Variants in NRXN1 observed in about 807,000 individuals in gnomAD.
NRXN1 encodes neurexin 1, also known as neurexin-1.
NRXN1 carries 39 observed loss-of-function variants against 150.9 expected under a neutral mutation model. That is an observed-to-expected ratio of 0.26 (90% CI 0.20 to 0.34). NRXN1 has a LOEUF of 0.34. Among genes scored for constraint, NRXN1 ranks in the 10% least tolerant of loss-of-function variants. The pLI is 1.00. For synonymous variants in NRXN1, 924 were observed against 757.0 expected (o/e 1.22, Z -3.62); for missense variants, 1,815 against 1,949.9 (o/e 0.93, Z 1.30).
chr2:50,461,447 C>T (rs1015620162), intron 17 of NRXN1, among the ~76,000 whole-genome samples: 25 of 152,084 alleles, frequency 1.6e-4, no homozygotes, highest in Middle Eastern at 6.8e-3. Flanking sequence ...ATTTTGCATA[C>T]GGTCATAGCC....
chr2:50,555,833 T>C (rs766098704), intron 8 of NRXN1, among the ~76,000 whole-genome samples: 38 of 152,186 alleles, frequency 2.5e-4, no homozygotes, highest in Non-Finnish European at 4.3e-4. Context: ...CAGTTCATAA[T>C]TGACAAGTTG....
intron 2 of NRXN1, among the ~76,000 whole-genome samples, chr2:50,989,347 A>T (rs1047810365): frequency 1.3e-5 from 2 of 152,006 alleles, no homozygotes; most frequent in African/African-American, 4.8e-5. Flanking sequence ...ATTTACATAC[A>T]GCAAAAAATT....
chr2:50,724,015 A>G (rs1697008741), intron 5 of NRXN1, among the ~76,000 whole-genome samples: 1 of 152,232 alleles, frequency 6.6e-6, no homozygotes. Flanking sequence ...AGATGAATGG[A>G]GCATGCACAA....
chr2:50,023,682 G>C (rs996140685), intron 21 of NRXN1: 1 of 152,172 alleles, frequency 6.6e-6, no homozygotes, highest in South Asian at 2.1e-4. Flanking sequence ...TCACTTCGGG[G>C]CCGAATATGT....
chr2:50,054,038 A>C (rs1434409623), intron 20 of NRXN1, among the ~76,000 whole-genome samples: 2 of 152,204 alleles, frequency 1.3e-5, no homozygotes, highest in African/African-American at 4.8e-5. Context: ...TTCATAATTC[A>C]CATAATGTCC....
At chr2:50,787,713 A>T (rs79709718) in intron 5 of NRXN1, among the ~76,000 whole-genome samples, 30 of 72,920 alleles carry the variant, frequency 4.1e-4, no homozygotes, top group South Asian at 3.4e-3. Flanking sequence ...AACATGTATT[A>T]AAAAAAAAAA....
intron 18 of NRXN1, among the ~76,000 whole-genome samples, chr2:50,189,973 C>G (rs2061347010): frequency 6.6e-6 from 1 of 152,072 alleles, no homozygotes; most frequent in Non-Finnish European, 1.5e-5. Context: ...ATACAATCAT[C>G]TTGAATGAAG....
chr2:49,948,907 G>A (rs967778105), intron 21 of NRXN1, among the ~76,000 whole-genome samples: 9 of 151,876 alleles, frequency 5.9e-5, no homozygotes, highest in Non-Finnish European at 1.0e-4. Flanking sequence ...CTCTAACTGT[G>A]CATTTAACCA....
intron 5 of NRXN1, among the ~76,000 whole-genome samples, chr2:50,665,055 T>A (rs914512974): frequency 2.0e-5 from 3 of 151,974 alleles, no homozygotes; most frequent in Admixed American, 6.6e-5. Flanking sequence ...CATAATATGG[T>A]TGTTTTGCTA....
intron 5 of NRXN1, among the ~76,000 whole-genome samples, chr2:50,691,020 A>AT: frequency 6.6e-6 from 1 of 152,240 alleles, no homozygotes; most frequent in African/African-American, 2.4e-5. Flanking sequence ...TTGTAGTGAC[A>AT]TTTTTTTCTA....
chr2:50,148,880 C>A (rs537608331), intron 18 of NRXN1, among the ~76,000 whole-genome samples: 1 of 151,728 alleles, frequency 6.6e-6, no homozygotes, highest in East Asian at 1.9e-4. Flanking sequence ...GTACACTGAC[C>A]CAGAGAAAGA....
chr2:50,235,169 T>C (rs1279384692), intron 18 of NRXN1, among the ~76,000 whole-genome samples: 1 of 152,112 alleles, frequency 6.6e-6, no homozygotes, highest in Non-Finnish European at 1.5e-5. Context: ...ATTTATTTTT[T>C]GAAGTAGCAA....
At chr2:49,969,182 T>C (rs1307671555) in intron 21 of NRXN1, among the ~76,000 whole-genome samples, 2 of 152,230 alleles carry the variant, frequency 1.3e-5, no homozygotes, top group South Asian at 2.1e-4. Context: ...TGTTTAACAA[T>C]GTTTTACATA....
chr2:50,682,584 G>A (rs992475201), intron 5 of NRXN1, among the ~76,000 whole-genome samples: 10 of 152,124 alleles, frequency 6.6e-5, no homozygotes, highest in African/African-American at 2.4e-4. Flanking sequence ...TTATAGCTTG[G>A]GGTCAGTTCA....
intron 17 of NRXN1, among the ~76,000 whole-genome samples, chr2:50,252,337 C>T (rs1559175487): frequency 6.9e-6 from 1 of 144,906 alleles, no homozygotes; most frequent in Non-Finnish European, 1.5e-5. Flanking sequence ...TGGCTCACTG[C>T]AACCTCTGTC....
intron 2 of NRXN1, 119 bp from the exon 3 acceptor site, chr2:50,926,074 C>T: frequency 1.3e-6 from 1 of 759,212 alleles, no homozygotes; most frequent in Non-Finnish European, 2.3e-6. Context: ...CATGCAAGTG[C>T]TCCATCACTA....
At chr2:50,486,631 G>T (rs1252292500) in intron 15 of NRXN1, among the ~76,000 whole-genome samples, 1 of 152,142 alleles carries the variant, frequency 6.6e-6, no homozygotes, top group Non-Finnish European at 1.5e-5. Flanking sequence ...GAGGCCTAAG[G>T]AGTCTGTGTA....
intron 17 of NRXN1, among the ~76,000 whole-genome samples, chr2:50,286,505 AC>A (rs1445106289): frequency 6.6e-6 from 1 of 152,162 alleles, no homozygotes; most frequent in African/African-American, 2.4e-5. Context: ...GTGTATATAT[AC>A]CTTTTTAAAA....
chr2:50,387,153 G>T (rs1206448623), intron 17 of NRXN1, among the ~76,000 whole-genome samples: 2 of 152,004 alleles, frequency 1.3e-5, no homozygotes, highest in Non-Finnish European at 2.9e-5. Context: ...TATACAATTT[G>T]TCTGGTATTG....
Sources: gnomAD v4.1 joint callset for allele counts (sites outside exome capture counted in the v4.1 genomes callset) on GRCh38, gnomAD v4.1.1 for gene constraint, MANE v1.5 for transcripts, NCBI Gene and HGNC (gene_info 2026-07-23, HGNC 2026-07-21) for gene names.